HS6ST2: variants seen among roughly 807,000 people sequenced by gnomAD.
HS6ST2 encodes heparan sulfate 6-O-sulfotransferase 2, also known as heparan-sulfate 6-O-sulfotransferase 2.
HS6ST2 carries 17 observed loss-of-function variants against 33.0 expected under a neutral mutation model. That is an observed-to-expected ratio of 0.52 (90% CI 0.35 to 0.77). The LOEUF (loss-of-function observed/expected upper bound fraction) is 0.77, where lower values mean the gene tolerates loss of function less well. Ranked by LOEUF, HS6ST2 falls within the 30% of genes least tolerant of loss-of-function variation. The pLI is 0.01. For missense variants in HS6ST2, 519 were observed against 551.7 expected, an observed-to-expected ratio of 0.94 and a Z score of 0.59; for synonymous variants, 248 against 237.1, an observed-to-expected ratio of 1.05 and a Z score of -0.42.
chrX:132,937,016 C>T (rs1420311479), intron 2 of HS6ST2, among the ~76,000 whole-genome samples: 2 of 111,454 alleles, frequency 1.8e-5, no homozygotes, highest in Admixed American at 1.9e-4. Context: ...AGTAAAGTTG[C>T]AGGACACAAA....
chrX:132,897,754 C>T (rs1037711791), intron 2 of HS6ST2, among the ~76,000 whole-genome samples: 2 of 111,591 alleles, frequency 1.8e-5, no homozygotes, highest in Admixed American at 9.5e-5. Flanking sequence ...CCTCCGCCCT[C>T]TTCCATTTAC....
At chrX:132,857,669 C>T (rs142308634) in intron 2 of HS6ST2, among the ~76,000 whole-genome samples, 4,648 of 111,247 alleles carry the variant, frequency 0.042, 236 homozygotes, top group African/African-American at 0.14. Flanking sequence ...CAGAAGAACA[C>T]ACTTGGTCCG....
intron 2 of HS6ST2, among the ~76,000 whole-genome samples, chrX:132,913,974 C>T (rs1196689057): frequency 8.9e-6 from 1 of 111,862 alleles, no homozygotes; most frequent in Non-Finnish European, 1.9e-5. Context: ...CAGCCCCTCT[C>T]CCCCTCTCCT....
intron 2 of HS6ST2, among the ~76,000 whole-genome samples, chrX:132,805,049 A>G (rs1049640363): frequency 9.0e-6 from 1 of 111,318 alleles, no homozygotes; most frequent in Non-Finnish European, 1.9e-5. Context: ...TGTGCCTCTC[A>G]GAGGACAGTA....
At chrX:132,669,617 A>G (rs1215072710) in intron 3 of HS6ST2, 1 of 114,499 alleles carries the variant, frequency 8.7e-6, no homozygotes, top group Admixed American at 9.3e-5. Flanking sequence ...CTTTTGGTGA[A>G]GTATGTGGAT....
intron 2 of HS6ST2, among the ~76,000 whole-genome samples, chrX:132,799,459 C>CA (rs1282566792): frequency 9.1e-6 from 1 of 109,365 alleles, no homozygotes; most frequent in Non-Finnish European, 1.9e-5. Context: ...ACTGCAGCCT[C>CA]AACCTTCCAG....
chrX:132,733,446 C>T (rs766985170), intron 2 of HS6ST2, among the ~76,000 whole-genome samples: 1 of 110,074 alleles, frequency 9.1e-6, no homozygotes, highest in South Asian at 4.0e-4. Context: ...AGACTAGCTA[C>T]GGGTCTCTTT....
intron 2 of HS6ST2, among the ~76,000 whole-genome samples, chrX:132,724,510 C>G (rs1032563234): frequency 2.7e-5 from 3 of 111,203 alleles, no homozygotes; most frequent in Non-Finnish European, 3.8e-5. Context: ...GAAGAGGACA[C>G]CAAAAAATGG....
At chrX:132,711,377 C>T (rs2064229813) in intron 2 of HS6ST2, among the ~76,000 whole-genome samples, 1 of 110,872 alleles carries the variant, frequency 9.0e-6, no homozygotes, top group Non-Finnish European at 1.9e-5. Flanking sequence ...CTTGGAAAAC[C>T]CAGGATGAGG....
intron 2 of HS6ST2, among the ~76,000 whole-genome samples, chrX:132,718,948 A>G (rs781090164): frequency 9.0e-6 from 1 of 111,113 alleles, no homozygotes; most frequent in Admixed American, 9.5e-5. Context: ...TATCTATAGG[A>G]AAATGCAATC....
intron 2 of HS6ST2, among the ~76,000 whole-genome samples, chrX:132,819,771 G>T (rs1251502350): frequency 8.9e-6 from 1 of 112,021 alleles, no homozygotes; most frequent in Non-Finnish European, 1.9e-5. Context: ...ACTTGCAAGA[G>T]AGCCCTCTCA....
chrX:132,678,141 C>T (rs897954578), intron 3 of HS6ST2, among the ~76,000 whole-genome samples: 2 of 111,702 alleles, frequency 1.8e-5, no homozygotes, highest in South Asian at 3.8e-4. Flanking sequence ...ATTGTTTGCG[C>T]TCAGGAGTCC....
intron 2 of HS6ST2, among the ~76,000 whole-genome samples, chrX:132,846,351 C>G (rs2065750408): frequency 8.9e-6 from 1 of 112,268 alleles, no homozygotes; most frequent in Non-Finnish European, 1.9e-5. Context: ...AATCAGAACT[C>G]TCTTAGTAGG....
rs992728116 is a variant in HS6ST2, at chrX:132,787,798, G to A, written c.948-79304C>T. On this transcript the variant is annotated intron_variant, in intron 2 of 4. Coordinates refer to ENST00000370833, the MANE Select transcript of HS6ST2 (RefSeq NM_001394073.1). ...GCCAGCTGCTCAGGAGGCTGAGGCCGGAGAATCACTTGAACCCGGGAGGCA... is the reference window on the plus strand; with the variant it reads ...GCCAGCTGCTCAGGAGGCTGAGGCCAGAGAATCACTTGAACCCGGGAGGCA... Among the ~76,000 whole-genome samples, 12 of 107,927 alleles carry A rather than the reference G, an allele frequency of 1.1e-4. No homozygotes were observed. The South Asian group carries it at 1.7e-3, about 16-fold the overall frequency. 93.7% of individuals were successfully genotyped at this position (107,927 alleles called of 115,157 possible).
chrX:132,655,376 A>G (rs894789116), intron 4 of HS6ST2, among the ~76,000 whole-genome samples: 1 of 111,702 alleles, frequency 9.0e-6, no homozygotes, highest in African/African-American at 3.3e-5. Context: ...TTTAATGAGT[A>G]CCAGTATGTA....
intron 2 of HS6ST2, among the ~76,000 whole-genome samples, chrX:132,907,973 G>T (rs1166486811): frequency 8.9e-6 from 1 of 111,900 alleles, no homozygotes; most frequent in Non-Finnish European, 1.9e-5. Context: ...CATCAAGAAA[G>T]AAAACTCACA....
At chrX:132,692,377 A>G (rs1433160440) in intron 3 of HS6ST2, among the ~76,000 whole-genome samples, 1 of 111,029 alleles carries the variant, frequency 9.0e-6, no homozygotes, top group Non-Finnish European at 1.9e-5. Context: ...TTTATCCATC[A>G]CAGCGCCAAC....
rs141100543 is a variant in HS6ST2 at position 132,906,137 on chromosome X, C to T, written c.947+50671G>A. On this transcript the variant is annotated intron_variant, in intron 2 of 4. Coordinates refer to ENST00000370833, the MANE Select transcript of HS6ST2 (RefSeq NM_001394073.1). ...GAGAATTACCAGTTTTATAATATCA[C>T]GTCATCTAATCTACAAGTGCAGTCT... is the stretch of plus-strand genomic sequence containing the variant. Among the ~76,000 whole-genome samples, 67 of 112,697 alleles carry T rather than the reference C, an allele frequency of 5.9e-4. 2 individuals are homozygous for T. In the East Asian group the frequency reaches 0.013, roughly 23 times the overall value.
chrX:132,714,729 T>C (rs1291699493), intron 2 of HS6ST2, among the ~76,000 whole-genome samples: 2 of 111,497 alleles, frequency 1.8e-5, no homozygotes, highest in African/African-American at 6.5e-5. Flanking sequence ...CATGCATTTC[T>C]CTAGCAAACA....
Sources: gnomAD v4.1 joint callset for allele counts (sites outside exome capture counted in the v4.1 genomes callset) on GRCh38, gnomAD v4.1.1 for gene constraint, MANE v1.5 for transcripts, NCBI Gene and HGNC (gene_info 2026-07-23, HGNC 2026-07-21) for gene names.